Variants in KCNH8 observed in about 807,000 individuals in gnomAD.
The protein encoded by KCNH8 is potassium voltage-gated channel subfamily H member 8.
Under a neutral mutation model 103.6 loss-of-function variants are expected in KCNH8, and 70 were observed. That is an observed-to-expected ratio of 0.68 (90% CI 0.56 to 0.82). The LOEUF (loss-of-function observed/expected upper bound fraction) is 0.82, where lower values mean the gene tolerates loss of function less well. Among genes scored for constraint, KCNH8 ranks in the 40% least tolerant of loss-of-function variants. The pLI is 0.00. For synonymous variants in KCNH8, 498 were observed against 489.4 expected (o/e 1.02, Z -0.23); for missense variants, 1,217 against 1,329.9 (o/e 0.92, Z 1.32).
Position 19,534,297 on chromosome 3 carries a change from A to G in KCNH8, c.*198A>G, listed in dbSNP as rs2069228358. 3.4e-6 allele frequency: 2 copies of G among 586,188 alleles called. No homozygotes were observed. Among genetic ancestry groups the G allele is most frequent in the Non-Finnish European group, 6.0e-6 (2 of 331,492 alleles). 36.3% of individuals were successfully genotyped at this position (586,188 alleles called of 1,614,324 possible). ...TCTAGATACTAGAAGCATAATAGAA[A>G]CATTTTTCTGTACAGGTATTAAACT... On this transcript the variant is annotated 3_prime_UTR_variant, in exon 16 of 16. Transcript: ENST00000328405.
intron 1 of KCNH8, among the ~76,000 whole-genome samples, chr3:19,214,943 T>G (rs902438901): frequency 7.9e-5 from 12 of 152,214 alleles, no homozygotes; most frequent in Non-Finnish European, 1.8e-4. Context: ...CAGACTAAAA[T>G]ATGTGATTAT....
chr3:19,492,980 GT>G (rs1265977614), intron 11 of KCNH8, among the ~76,000 whole-genome samples: 1 of 151,742 alleles, frequency 6.6e-6, no homozygotes, highest in Non-Finnish European at 1.5e-5. Flanking sequence ...CATTTTCTTT[GT>G]GACTATTGTA....
At chr3:19,395,501 A>AT (rs200935389) in intron 7 of KCNH8, among the ~76,000 whole-genome samples, 190 bp downstream of exon 7, 3 of 151,974 alleles carry the variant, frequency 2.0e-5, no homozygotes, top group Non-Finnish European at 2.9e-5. Flanking sequence ...ACAACGTTAC[A>AT]TTTTTTTCAA....
intron 3 of KCNH8, among the ~76,000 whole-genome samples, chr3:19,318,813 C>A (rs1227783322): frequency 6.6e-6 from 1 of 151,674 alleles, no homozygotes; most frequent in Non-Finnish European, 1.5e-5. Flanking sequence ...ATGCCAACGT[C>A]TATTACTTTA....
chr3:19,317,563 A>G (rs2125301344), intron 3 of KCNH8, among the ~76,000 whole-genome samples: 1 of 152,020 alleles, frequency 6.6e-6, no homozygotes, highest in African/African-American at 2.4e-5. Flanking sequence ...GCCAGTGTCT[A>G]CCTCAGAGTA....
chr3:19,477,307 T>G (rs543524090), intron 11 of KCNH8, among the ~76,000 whole-genome samples: 132 of 152,128 alleles, frequency 8.7e-4, no homozygotes, highest in Non-Finnish European at 1.7e-3. Flanking sequence ...AAAGAAAACT[T>G]TTATTCATAA....
intron 5 of KCNH8, among the ~76,000 whole-genome samples, chr3:19,355,752 A>G (rs937857776): frequency 3.9e-5 from 6 of 152,052 alleles, no homozygotes; most frequent in South Asian, 2.1e-4. Context: ...GTTAGGTGAG[A>G]GGGATAGCAT....
rs2063097905 is a variant in KCNH8 at position 19,148,579 on chromosome 3, C to T, written c.-141C>T. The T allele has an allele frequency of 3.9e-6, 3 of 776,312 alleles. No homozygotes were observed. Among genetic ancestry groups the T allele is most frequent in the Non-Finnish European group, 4.5e-6 (2 of 441,748 alleles). 48.1% of individuals were successfully genotyped at this position (776,312 alleles called of 1,614,324 possible). ...CTCCCTTTCTCCCTCCATCCTTCCA[C>T]TTCCCCTGCTCGGCCCCGCCGTCAG... On this transcript the variant is annotated 5_prime_UTR_variant, in exon 1 of 16. Transcript: ENST00000328405.
At position 19,242,674 on chromosome 3, in the gene KCNH8, G is replaced by C. The variant is rs867402740; in HGVS notation, c.77-10980G>C. On this transcript the variant is annotated intron_variant, in intron 1 of 15. Transcript: ENST00000328405. ...ATCTGAACCCCCTTCCATTAGAGCA[G>C]AAGGTCTTAATTTTTTGTGTGATAT... Among the ~76,000 whole-genome samples the C allele has an allele frequency of 3.3e-5, 5 of 152,230 alleles. No homozygotes were observed. In the Middle Eastern group the frequency reaches 0.01, roughly 311 times the overall value.
intron 1 of KCNH8, among the ~76,000 whole-genome samples, chr3:19,155,085 A>G (rs915366618): frequency 6.6e-6 from 1 of 152,192 alleles, no homozygotes; most frequent in Non-Finnish European, 1.5e-5. Flanking sequence ...TTTCCTTTAT[A>G]GTTGTTAATA....
rs190397164 is a variant in KCNH8 at position 19,220,701 on chromosome 3, T to C, written c.77-32953T>C. 4.3e-3 allele frequency among the ~76,000 whole-genome samples: 661 copies of C among 152,010 alleles called. 2 individuals carry two copies. The highest frequency in any genetic ancestry group is 0.015 in the African/African-American group (621 of 41,452). ...TGACCAAAGCAGCACATATGATCCC[T>C]CAATCCACAGGTAATAAACCCATCT... On this transcript the variant is annotated intron_variant, in intron 1 of 15. Transcript: ENST00000328405.
At position 19,284,629 on chromosome 3, in the gene KCNH8, TC is replaced by T. The variant is rs1205627944; in HGVS notation, c.442+3301del. Reference sequence around the variant, plus strand: ...GTTCTTACCACCTTTAAAACTACCTTCTTTTTTGGCACATAGTTTACTTCTA... The same window carrying T: ...GTTCTTACCACCTTTAAAACTACCTTTTTTTTGGCACATAGTTTACTTCTA... On this transcript the variant is annotated intron_variant, in intron 3 of 15. Transcript: ENST00000328405. Among the ~76,000 whole-genome samples, 32 of 151,996 alleles carry T rather than the reference TC, an allele frequency of 2.1e-4. No individual in the cohort carries two copies. The East Asian group carries it at 6.0e-3, about 29-fold the overall frequency.
intron 5 of KCNH8, among the ~76,000 whole-genome samples, chr3:19,382,633 G>GT (rs761988314): frequency 6.6e-6 from 1 of 152,050 alleles, no homozygotes; most frequent in Non-Finnish European, 1.5e-5. Context: ...CTGTTCGTCA[G>GT]TTTTGAAGCC....
chr3:19,253,183 G>T (rs1182797136), intron 1 of KCNH8, among the ~76,000 whole-genome samples: 1 of 151,870 alleles, frequency 6.6e-6, no homozygotes, highest in Non-Finnish European at 1.5e-5. Flanking sequence ...TTTACTACTT[G>T]CTTTCTTCCT....
At chr3:19,199,778 G>A (rs2063638670) in intron 1 of KCNH8, among the ~76,000 whole-genome samples, 1 of 151,746 alleles carries the variant, frequency 6.6e-6, no homozygotes, top group South Asian at 2.1e-4. Context: ...GAATTATATT[G>A]ATAAATGGCA....
intron 4 of KCNH8, among the ~76,000 whole-genome samples, chr3:19,345,666 A>G (rs897900034): frequency 1.3e-5 from 2 of 152,020 alleles, no homozygotes; most frequent in African/African-American, 4.8e-5. Context: ...TTTTCATTCA[A>G]AAGGATTTTG....
chr3:19,189,564 G>C (rs1206420439), intron 1 of KCNH8, among the ~76,000 whole-genome samples: 1 of 151,698 alleles, frequency 6.6e-6, no homozygotes, highest in Non-Finnish European at 1.5e-5. Context: ...GGTTTTCTTA[G>C]GAAAAATTTC....
At chr3:19,473,552 CTTGCTCCATCTTTAAGAGTAAAT>C (rs2067907532) in intron 11 of KCNH8, among the ~76,000 whole-genome samples, 1 of 152,170 alleles carries the variant, frequency 6.6e-6, no homozygotes, top group African/African-American at 2.4e-5. Context: ...TCATCCTTCC[CTTGCTCCATCTTTAAGAGTAAAT>C]TTGTGAAATC....
At chr3:19,469,086 A>AGCCT (rs1359434028) in intron 11 of KCNH8, among the ~76,000 whole-genome samples, 3 of 152,230 alleles carry the variant, frequency 2.0e-5, no homozygotes, top group African/African-American at 7.2e-5. Flanking sequence ...CTTCAAAAGT[A>AGCCT]GCCTGTGTGT....
Sources: allele counts gnomAD v4.1 joint callset (sites outside exome capture counted in the v4.1 genomes callset), GRCh38; gene constraint gnomAD v4.1.1; transcripts MANE v1.5; gene names NCBI Gene and HGNC (gene_info 2026-07-23, HGNC 2026-07-21).